The following CACNA1G variants were observed in gnomAD, a reference collection of about 807,000 sequenced individuals.
CACNA1G encodes the protein voltage-dependent T-type calcium channel subunit alpha-1G.
CACNA1G carries 67 observed loss-of-function variants against 219.4 expected under a neutral mutation model. That is an observed-to-expected ratio of 0.31 (90% confidence interval 0.25 to 0.37). The LOEUF is 0.37. Ranked by LOEUF, CACNA1G falls within the 10% of genes least tolerant of loss-of-function variation. The pLI is 1.00. For missense variants in CACNA1G, 2,380 were observed against 3,231.4 expected (o/e 0.74, Z 6.39); for synonymous variants, 1,296 against 1,345.3 (o/e 0.96, Z 0.80).
rs748932241 is a variant in CACNA1G, at chr17:50,621,539, C to T, written c.5926-121C>T. Reference sequence around the variant, plus strand: ...GGAGAGAGAAGGGATGCCTTTTTCCCGCCCCCCTGTGCTTCGTGAAAAGGG... The same window carrying T: ...GGAGAGAGAAGGGATGCCTTTTTCCTGCCCCCCTGTGCTTCGTGAAAAGGG... On this transcript the variant is annotated intron_variant, in intron 34 of 37. Coordinates refer to ENST00000359106, the MANE Select transcript of CACNA1G (RefSeq NM_018896.5). The surrounding 1 kb of genome is among the most constrained non-coding windows in gnomAD (Gnocchi z 4.6). 65 of 1,119,220 alleles carry T rather than the reference C, an allele frequency of 5.8e-5. No homozygotes were observed. Among genetic ancestry groups the T allele is most frequent in the Non-Finnish European group, 7.5e-5 (59 of 786,884 alleles). The allele number at this position is 1,119,220 out of a possible 1,614,324, so 69.3% of individuals were successfully genotyped here. A position where few individuals can be genotyped will look rare whatever the true frequency, so the allele number is the denominator to read the frequency against.
chr17:50,617,707 G>A lies in CACNA1G; in HGVS notation c.5155+136G>A. 1 of 1,438,118 alleles carries A rather than the reference G, an allele frequency of 7.0e-7. No individual in the cohort carries two copies. The highest frequency in any genetic ancestry group is 9.5e-7 in the Non-Finnish European group (1 of 1,056,830). 89.1% of individuals were successfully genotyped at this position (1,438,118 alleles called of 1,614,324 possible). On this transcript the variant is annotated intron_variant, in intron 29 of 37. Transcript: ENST00000359106. This position sits in a 1 kb window ranked among gnomAD's most constrained non-coding sequence, Gnocchi z 5.8. ...GTCTTTCTCCCAGCTTCTGCCAAGG[G>A]AGGCTGGAGACAGGGCTGAGGATGG...
intron 24 of CACNA1G, 173 bp from the exon 25 acceptor site, chr17:50,607,654 A>T: frequency 1.7e-6 from 1 of 599,938 alleles, no homozygotes; most frequent in Non-Finnish European, 3.0e-6. Context: ...TCTCCCCTTT[A>T]CCACAGTCCC....
At position 50,578,190 on chromosome 17, in the gene CACNA1G, G is replaced by T; in HGVS notation, c.1927G>T (p.Ala643Ser). 6.4e-7 allele frequency: 1 copy of T among 1,566,784 alleles called. No homozygotes were observed. The change falls in exon 9 of 38, where the codon GCC becomes TCC. Residue 643 changes from alanine (A) to serine (S), a missense_variant and splice_region_variant. Coordinates refer to ENST00000359106, the MANE Select transcript of CACNA1G (RefSeq NM_018896.5). This position sits in a 1 kb window ranked among gnomAD's most constrained non-coding sequence, Gnocchi z 4.5. ...TCACCTCTACTCTCCTGTTCCAGGT[G>T]CCTGCCAAAGCTCTTGCAAGATCTC... is the stretch of plus-strand genomic sequence containing the variant. ...HKLLETQSTG[A>S]CQSSCKISSP...
At chr17:50,619,540 GCACA>G in intron 33 of CACNA1G, 139 bp from the exon 34 acceptor site, 5 of 551,040 alleles carry the variant, frequency 9.1e-6, no homozygotes, top group African/African-American at 1.9e-5. Flanking sequence ...TTGTGTGTGT[GCACA>G]TGTGCATGTG....
chr17:50,569,015 T>TTG (rs1555635411), intron 2 of CACNA1G, 34 bp downstream of exon 2: 14,013 of 1,211,702 alleles, frequency 0.012, 172 homozygotes, highest in African/African-American at 0.015. Context: ...TGTGTGTGTG[T>TTG]TGTGTGTGTT....
rs1272414765 is a variant in CACNA1G at position 50,627,164 on chromosome 17, C to A, written c.*413C>A. 1 of 457,292 alleles carries A rather than the reference C, an allele frequency of 2.2e-6. No homozygotes were observed. Among genetic ancestry groups the A allele is most frequent in the South Asian group, 1.6e-5 (1 of 64,504 alleles). 28.3% of individuals were successfully genotyped at this position (457,292 alleles called of 1,614,324 possible). A position where few individuals can be genotyped will look rare whatever the true frequency, so the allele number is the denominator to read the frequency against. On this transcript the variant is annotated 3_prime_UTR_variant, in exon 38 of 38. Transcript: ENST00000359106. ...ATATTTTTGAGGCGAAGGCGTCTGT[C>A]TCTTGGCTATTTTAACCTAAAATAA... is the stretch of plus-strand genomic sequence containing the variant.
intron 9 of CACNA1G, 28 bp from the exon 10 acceptor site, chr17:50,590,443 C>T: frequency 6.2e-7 from 1 of 1,612,546 alleles, no homozygotes; most frequent in East Asian, 2.2e-5. Context: ...GATAAGCCAG[C>T]TGCCTCACAT....
intron 24 of CACNA1G, 77 bp downstream of exon 24, chr17:50,607,066 A>C: frequency 1.7e-6 from 2 of 1,179,546 alleles, no homozygotes; most frequent in Non-Finnish European, 1.3e-6. Flanking sequence ...AGAAAGAGCA[A>C]GGCAGGGTGG....
At chr17:50,609,057 C>T (rs1040971361) in intron 25 of CACNA1G, among the ~76,000 whole-genome samples, 3 of 152,258 alleles carry the variant, frequency 2.0e-5, no homozygotes, top group South Asian at 2.1e-4. Context: ...GTCTTCCTTC[C>T]GCCGATAAGA....
intron 9 of CACNA1G, among the ~76,000 whole-genome samples, chr17:50,584,065 G>C (rs1022063443): frequency 6.6e-6 from 1 of 152,172 alleles, no homozygotes; most frequent in Non-Finnish European, 1.5e-5. Flanking sequence ...GCAGAATCCC[G>C]AGCATGATGG....
At position 50,569,350 on chromosome 17, in the gene CACNA1G, C is replaced by T. The variant is rs900909619; in HGVS notation, c.488+52C>T. ...GCAATGGATCAGATCGGTCCCTTCC[C>T]CGGGGCCAGGGTTCTGGGCCTGTGA... is the stretch of plus-strand genomic sequence containing the variant. On this transcript the variant is annotated intron_variant, in intron 3 of 37. Coordinates refer to ENST00000359106, the MANE Select transcript of CACNA1G (RefSeq NM_018896.5). 6.9e-6 allele frequency: 11 copies of T among 1,594,936 alleles called. No homozygotes were observed. The African/African-American group carries it at 1.3e-4, about 19-fold the overall frequency.
In CACNA1G at chr17:50,618,155, G is replaced by T; in HGVS notation, c.5305+29G>T. The T allele has an allele frequency of 6.2e-7, 1 of 1,613,278 alleles. No homozygotes were observed. The highest frequency in any genetic ancestry group is 8.5e-7 in the Non-Finnish European group (1 of 1,179,466). On this transcript the variant is annotated intron_variant, in intron 31 of 37. Coordinates refer to ENST00000359106, the MANE Select transcript of CACNA1G (RefSeq NM_018896.5). The surrounding 1 kb of genome is among the most constrained non-coding windows in gnomAD (Gnocchi z 5.3). The stretch of plus-strand genomic sequence containing the variant: ...AGTTGGGGTAGGGGAGGGTGGAGGA[G>T]CCAGGGCTGGAGACCAGGGGGCTCC...
chr17:50,599,885 C>T (rs1375677627), intron 17 of CACNA1G, 26 bp downstream of exon 17: 2 of 1,592,344 alleles, frequency 1.3e-6, no homozygotes, highest in Non-Finnish European at 1.7e-6. Context: ...GCACAGTGAC[C>T]CCTCACCCCT....
rs555213395 is a variant in CACNA1G, at chr17:50,596,212, T to G, written c.2980-350T>G. Among the ~76,000 whole-genome samples, 2 of 152,268 alleles carry G rather than the reference T, an allele frequency of 1.3e-5. No individual in the cohort carries two copies. Among genetic ancestry groups the G allele is most frequent in the African/African-American group, 4.8e-5 (2 of 41,556 alleles). On this transcript the variant is annotated intron_variant, in intron 14 of 37. Transcript: ENST00000359106. The surrounding 1 kb of genome is among the most constrained non-coding windows in gnomAD (Gnocchi z 4.8). ...AGAGAGGCTCTAGTGACCACTTCAC[T>G]CAGGTCCCCAGGTCCCCAGCCCCCT...
chr17:50,618,354 A>G lies in CACNA1G; in HGVS notation c.5427+11A>G, dbSNP rs1212658531. ...AATGGCATTATGAAGGTAAGGGCCC[A>G]GGGTTGGCCTAGGCTCCAGGGAGGC... On this transcript the variant is annotated intron_variant, in intron 32 of 37. Coordinates refer to ENST00000359106, the MANE Select transcript of CACNA1G (RefSeq NM_018896.5). The surrounding 1 kb of genome is among the most constrained non-coding windows in gnomAD (Gnocchi z 5.3). The G allele has an allele frequency of 1.2e-6, 2 of 1,612,014 alleles. No individual in the cohort carries two copies. The highest frequency in any genetic ancestry group is 1.3e-5 in the African/African-American group (1 of 74,872).
rs1384577759 is a variant in CACNA1G at position 50,578,582 on chromosome 17, G to A, written c.2301+18G>A. On this transcript the variant is annotated intron_variant, in intron 9 of 37. Transcript: ENST00000359106. The surrounding 1 kb of genome is among the most constrained non-coding windows in gnomAD (Gnocchi z 4.5). The stretch of plus-strand genomic sequence containing the variant: ...ACGAGCAGGTAGGAGAGTGGGCAGA[G>A]GCAGGGCTCCTGCCAGCTGCTTTTC... The A allele has an allele frequency of 6.5e-7, 1 of 1,527,332 alleles. No individual in the cohort carries two copies. The highest frequency in any genetic ancestry group is 2.3e-5 in the East Asian group (1 of 43,342). 94.6% of individuals were successfully genotyped at this position (1,527,332 alleles called of 1,614,324 possible).
In CACNA1G at chr17:50,596,417, G is replaced by A. The variant is rs1432207604; in HGVS notation, c.2980-145G>A. 1.6e-5 allele frequency: 11 copies of A among 688,974 alleles called. No homozygotes were observed. Among genetic ancestry groups the A allele is most frequent in the Non-Finnish European group, 2.8e-5 (11 of 389,396 alleles). 42.7% of individuals were successfully genotyped at this position (688,974 alleles called of 1,614,324 possible). A position where few individuals can be genotyped will look rare whatever the true frequency, so the allele number is the denominator to read the frequency against. On this transcript the variant is annotated intron_variant, in intron 14 of 37. Coordinates refer to ENST00000359106, the MANE Select transcript of CACNA1G (RefSeq NM_018896.5). This position sits in a 1 kb window ranked among gnomAD's most constrained non-coding sequence, Gnocchi z 4.8. ...TCGGGCCCCAAGCCTGGGGGGTCTGGCCTGCGCCGTGCATGTCTCGTGCCG... is the reference window on the plus strand; with the variant it reads ...TCGGGCCCCAAGCCTGGGGGGTCTGACCTGCGCCGTGCATGTCTCGTGCCG...
chr17:50,596,911 G>T lies in CACNA1G; in HGVS notation c.3246G>T (p.Glu1082Asp). 6.4e-7 allele frequency: 1 copy of T among 1,563,428 alleles called. No individual in the cohort carries two copies. The highest frequency in any genetic ancestry group is 8.7e-7 in the Non-Finnish European group (1 of 1,154,174). ...CGGCAGAGCCTGGGGCGGCCCACGA[G>T]ATGAAGTCACCGGTAGGGGGTGCAT... is the stretch of plus-strand genomic sequence containing the variant. Reference protein sequence around the residue: ...SGSAEPGAAHEMKSPPSARSS... With the variant: ...SGSAEPGAAHDMKSPPSARSS... Residue 1082 changes from glutamate (E) to aspartate (D), a missense_variant, in exon 16 of 38, where the codon GAG (glutamate) becomes GAT (aspartate). Physicochemically the swap from Glu to Asp is conservative, Grantham distance 45. This residue lies in a region of CACNA1G where 418 missense variants were observed against 434.3 expected (regional missense o/e 0.96). Coordinates refer to ENST00000359106, the MANE Select transcript of CACNA1G (RefSeq NM_018896.5). This position sits in a 1 kb window ranked among gnomAD's most constrained non-coding sequence, Gnocchi z 4.8.
Position 50,600,697 on chromosome 17 carries a change from C to T in CACNA1G, c.3691-29C>T. The T allele has an allele frequency of 6.3e-7, 1 of 1,598,492 alleles. No individual in the cohort carries two copies. Reference sequence around the variant, plus strand: ...AGCCGGGGAACCTGGAGGCCTGGTCCTGCTCATACTCCAGTGTTTGTTCTG... The same window carrying T: ...AGCCGGGGAACCTGGAGGCCTGGTCTTGCTCATACTCCAGTGTTTGTTCTG... On this transcript the variant is annotated intron_variant, in intron 17 of 37. Transcript: ENST00000359106. This position sits in a 1 kb window ranked among gnomAD's most constrained non-coding sequence, Gnocchi z 4.1.
Sources: allele counts gnomAD v4.1 joint callset (sites outside exome capture counted in the v4.1 genomes callset), GRCh38; gene constraint gnomAD v4.1.1; regional missense constraint gnomAD v4.1.1; non-coding constraint Gnocchi (gnomAD v3.1); transcripts MANE v1.5; gene names NCBI Gene and HGNC (gene_info 2026-07-23, HGNC 2026-07-21).